The following RPGRIP1L variants were observed in gnomAD, a reference collection of about 807,000 sequenced individuals.
RPGRIP1L encodes the protein RPGRIP1 like, also known as protein fantom.
In RPGRIP1L, 131 loss-of-function variants were observed where a neutral mutation model predicts 160.4. That is an observed-to-expected ratio of 0.82 (90% confidence interval 0.71 to 0.94). The LOEUF (loss-of-function observed/expected upper bound fraction) is 0.94. Among genes scored for constraint, RPGRIP1L ranks in the 40% least tolerant of loss-of-function variants. The pLI is 0.00. For missense variants in RPGRIP1L, 1,522 were observed against 1,535.8 expected (o/e 0.99, Z 0.15); for synonymous variants, 510 against 515.8 (o/e 0.99, Z 0.15).
At chr16:53,607,200 T>G (rs1025445904) in intron 25 of RPGRIP1L, among the ~76,000 whole-genome samples, 1 of 152,346 alleles carries the variant, frequency 6.6e-6, no homozygotes, top group Admixed American at 6.5e-5. Flanking sequence ...TATACTTATC[T>G]TACAGGGCTC....
At chr16:53,698,492 T>C (rs1389072057) in intron 2 of RPGRIP1L, among the ~76,000 whole-genome samples, 3 of 96,012 alleles carry the variant, frequency 3.1e-5, no homozygotes, top group East Asian at 3.4e-4. Flanking sequence ...AGGAGGGAGG[T>C]TGGGGGGTCA....
intron 13 of RPGRIP1L, among the ~76,000 whole-genome samples, chr16:53,657,234 C>A (rs1020654347): frequency 1.3e-5 from 2 of 151,476 alleles, no homozygotes; most frequent in African/African-American, 4.9e-5. Flanking sequence ...CAGCAAAACT[C>A]TGTCTCAAAA....
At position 53,601,640 on chromosome 16, in the gene RPGRIP1L, AG is replaced by A. The variant is rs1963382245; in HGVS notation, c.*435del. The A allele has an allele frequency of 5.6e-6, 1 of 179,480 alleles. No individual in the cohort carries two copies. The highest frequency in any genetic ancestry group is 2.4e-5 in the African/African-American group (1 of 42,126). The allele number at this position is 179,480 out of a possible 1,614,324, so 11.1% of individuals were successfully genotyped here. On this transcript the variant is annotated 3_prime_UTR_variant, in exon 27 of 27. Coordinates refer to ENST00000647211, the MANE Select transcript of RPGRIP1L (RefSeq NM_015272.5). ...CTTCACAGTATAAAACTCTTAATGA[AG>A]CTAATCATAGGCATTCCATTTAGTG...
chr16:53,643,870 A>G (rs1966392169), intron 17 of RPGRIP1L, among the ~76,000 whole-genome samples: 1 of 152,118 alleles, frequency 6.6e-6, no homozygotes, highest in Admixed American at 6.6e-5. Flanking sequence ...CATACACAGC[A>G]AAAAAACCCA....
chr16:53,639,070 T>C (rs959438912), intron 19 of RPGRIP1L, among the ~76,000 whole-genome samples: 1 of 151,956 alleles, frequency 6.6e-6, no homozygotes, highest in Non-Finnish European at 1.5e-5. Context: ...AGCATAGGTA[T>C]GTATTCCTTA....
Position 53,619,113 on chromosome 16 carries a change from A to G in RPGRIP1L, c.3528T>C (p.Cys1176=), listed in dbSNP as rs1449202929. 6.2e-7 allele frequency: 1 copy of G among 1,614,116 alleles called. No homozygotes were observed. The highest frequency in any genetic ancestry group is 8.5e-7 in the Non-Finnish European group (1 of 1,179,984). Residue 1176 remains cysteine, a synonymous_variant, in exon 24 of 27, where the codon TGT becomes TGC. Transcript: ENST00000647211. The part of the protein sequence containing the change: ...DDTIQRLFVE[C]RFYSLPAEET... ...CTTCAGCAGGAAGACTGTAGAATCG[A>G]CACTCAACAAACAGCCGTTGGATAG...
At chr16:53,632,449 G>T (rs534238761) in intron 22 of RPGRIP1L, among the ~76,000 whole-genome samples, 2 of 152,152 alleles carry the variant, frequency 1.3e-5, no homozygotes, top group Non-Finnish European at 2.9e-5. Context: ...TTCAAAATGT[G>T]ATCAAGCATG....
In RPGRIP1L at chr16:53,675,006, T is replaced by G; in HGVS notation, c.882+11A>C. 6.5e-7 allele frequency: 1 copy of G among 1,542,026 alleles called. No homozygotes were observed. Among genetic ancestry groups the G allele is most frequent in the South Asian group, 1.1e-5 (1 of 89,604 alleles). ...TCTGTAACATTGTAATAAAATAAAT[T>G]ATCACTGTACCTCTTGAAGCTGAAT... On this transcript the variant is annotated intron_variant, in intron 7 of 26. Transcript: ENST00000647211.
Position 53,675,166 on chromosome 16 carries a change from C to T in RPGRIP1L, c.777-44G>A, listed in dbSNP as rs750305613. The T allele has an allele frequency of 4.4e-5, 59 of 1,340,578 alleles. 2 individuals carry two copies. In the Middle Eastern group the frequency reaches 6.3e-3, roughly 144 times the overall value. 83.0% of individuals were successfully genotyped at this position (1,340,578 alleles called of 1,614,324 possible). On this transcript the variant is annotated intron_variant, in intron 6 of 26. Coordinates refer to ENST00000647211, the MANE Select transcript of RPGRIP1L (RefSeq NM_015272.5). ...GAAAAAGAGAGACAGAAGTAAAAAACGCAAGTTAGAAGAAAATCTATGGTG... is the reference window on the plus strand; with the variant it reads ...GAAAAAGAGAGACAGAAGTAAAAAATGCAAGTTAGAAGAAAATCTATGGTG...
intron 9 of RPGRIP1L, 100 bp from the exon 10 acceptor site, chr16:53,665,109 A>G: frequency 7.2e-7 from 1 of 1,397,414 alleles, no homozygotes; most frequent in Non-Finnish European, 9.9e-7. Context: ...CACTGTCATC[A>G]TGTCTTAGGA....
At position 53,656,606 on chromosome 16, in the gene RPGRIP1L, A is replaced by T; in HGVS notation, c.1582-17T>A. The T allele has an allele frequency of 6.9e-7, 1 of 1,452,002 alleles. No homozygotes were observed. 89.9% of individuals were successfully genotyped at this position (1,452,002 alleles called of 1,614,324 possible). On this transcript the variant is annotated splice_polypyrimidine_tract_variant and intron_variant, in intron 13 of 26. Coordinates refer to ENST00000647211, the MANE Select transcript of RPGRIP1L (RefSeq NM_015272.5). ...AACCTCCATCTACAAAATAAGGGAA[A>T]ATAAGTTTTAATACTTATGATTAGT...
At chr16:53,603,319 T>C (rs1963481190) in intron 26 of RPGRIP1L, among the ~76,000 whole-genome samples, 1 of 151,982 alleles carries the variant, frequency 6.6e-6, no homozygotes, top group South Asian at 2.1e-4. Context: ...CACTTATGAG[T>C]CTTCATATAG....
At chr16:53,627,373 T>A (rs1366064342) in intron 22 of RPGRIP1L, among the ~76,000 whole-genome samples, 1 of 152,212 alleles carries the variant, frequency 6.6e-6, no homozygotes. Flanking sequence ...TTTTTTATTA[T>A]AAAACATTTC....
At chr16:53,622,727 C>G (rs1964814489) in intron 22 of RPGRIP1L, among the ~76,000 whole-genome samples, 1 of 151,552 alleles carries the variant, frequency 6.6e-6, no homozygotes, top group Admixed American at 6.6e-5. Flanking sequence ...AGCCCAAGAG[C>G]CCAGGAGTTG....
intron 16 of RPGRIP1L, among the ~76,000 whole-genome samples, chr16:53,648,618 G>A (rs572342425): frequency 2.1e-4 from 10 of 48,218 alleles, no homozygotes; most frequent in Non-Finnish European, 2.8e-4. Flanking sequence ...GCGCGTGCGC[G>A]CGCGCGCGCA....
intron 26 of RPGRIP1L, among the ~76,000 whole-genome samples, chr16:53,604,428 T>C (rs12443767): frequency 0.08 from 12,166 of 152,284 alleles, 904 homozygotes; most frequent in African/African-American, 0.17. Context: ...CTCTGCTAAC[T>C]TAACAAATGG....
rs1970673301 is a variant in RPGRIP1L, at chr16:53,695,316, G to A, written c.230+835C>T. The A allele has an allele frequency of 1.4e-6, 1 of 695,842 alleles. No homozygotes were observed. Among genetic ancestry groups the A allele is most frequent in the African/African-American group, 1.8e-5 (1 of 56,790 alleles). The allele number at this position is 695,842 out of a possible 1,614,324, so 43.1% of individuals were successfully genotyped here. A position where few individuals can be genotyped will look rare whatever the true frequency, so the allele number is the denominator to read the frequency against. ...CATCATGACTAAAACCCAACTCAAA[G>A]TAAAAGGCCTGCACATAGCATGCCA... On this transcript the variant is annotated intron_variant, in intron 3 of 26. Coordinates refer to ENST00000647211, the MANE Select transcript of RPGRIP1L (RefSeq NM_015272.5).
intron 9 of RPGRIP1L, 124 bp from the exon 10 acceptor site, chr16:53,665,133 A>G (rs189126230): frequency 0.011 from 13,802 of 1,210,296 alleles, 112 homozygotes; most frequent in Non-Finnish European, 0.014. Flanking sequence ...AAGTAAACAT[A>G]TGCTGGTCTG....
chr16:53,688,124 T>G (rs1970147888), intron 4 of RPGRIP1L, among the ~76,000 whole-genome samples, 159 bp from the exon 5 acceptor site: 1 of 152,054 alleles, frequency 6.6e-6, no homozygotes, highest in Non-Finnish European at 1.5e-5. Flanking sequence ...AAAGGGAATA[T>G]GTGATCTCAG....
Sources: allele counts gnomAD v4.1 joint callset (sites outside exome capture counted in the v4.1 genomes callset), GRCh38; gene constraint gnomAD v4.1.1; transcripts MANE v1.5; gene names NCBI Gene and HGNC (gene_info 2026-07-23, HGNC 2026-07-21).